HTR1F: variants seen among roughly 807,000 people sequenced by gnomAD.
HTR1F encodes 5-hydroxytryptamine receptor 1F, also known as 5-hydroxytryptamine (serotonin) receptor 1F, G protein-coupled.
A neutral mutation model predicts 24.0 loss-of-function variants in HTR1F; 17 were observed. The ratio of observed to expected loss-of-function variants is 0.71; its 90% CI spans 0.48 to 1.06. The LOEUF is 1.06. Among genes scored for constraint, HTR1F ranks in the 50% least tolerant of loss-of-function variants. The pLI is 0.00. For missense variants in HTR1F, 391 were observed against 427.8 expected, an observed-to-expected ratio of 0.91 and a Z score of 0.76; for synonymous variants, 186 against 156.8, an observed-to-expected ratio of 1.19 and a Z score of -1.39.
intron 2 of HTR1F, among the ~76,000 whole-genome samples, chr3:87,874,124 C>A (rs1705618050): frequency 6.6e-6 from 1 of 151,852 alleles, no homozygotes; most frequent in Non-Finnish European, 1.5e-5. Flanking sequence ...GAGTTCCTAG[C>A]CAGAGCAATT....
At chr3:87,919,389 A>G (rs1703963102) in intron 2 of HTR1F, among the ~76,000 whole-genome samples, 1 of 152,122 alleles carries the variant, frequency 6.6e-6, no homozygotes, top group African/African-American at 2.4e-5. Flanking sequence ...TAATTAAACT[A>G]AAGAGCTTTT....
intron 2 of HTR1F, among the ~76,000 whole-genome samples, chr3:87,928,830 T>C (rs867186495): frequency 1.3e-5 from 2 of 152,192 alleles, no homozygotes; most frequent in Admixed American, 6.6e-5. Flanking sequence ...AAAAGAAATA[T>C]ACATTTTGTG....
chr3:87,879,865 TA>T (rs141052951), intron 2 of HTR1F, among the ~76,000 whole-genome samples: 1,700 of 152,226 alleles, frequency 0.011, 27 homozygotes, highest in African/African-American at 0.038. Flanking sequence ...AATGATGGCA[TA>T]TTTTTTTCTG....
At chr3:87,888,613 C>T (rs1260713058) in intron 2 of HTR1F, among the ~76,000 whole-genome samples, 1 of 151,972 alleles carries the variant, frequency 6.6e-6, no homozygotes, top group Non-Finnish European at 1.5e-5. Context: ...ATTGGGAAAT[C>T]TGGTTATTGA....
chr3:87,847,333 A>G (rs1161599387), intron 2 of HTR1F, among the ~76,000 whole-genome samples: 1 of 151,818 alleles, frequency 6.6e-6, no homozygotes, highest in African/African-American at 2.4e-5. Flanking sequence ...TAAAAATTCT[A>G]CAGCTTGAAC....
intron 2 of HTR1F, among the ~76,000 whole-genome samples, chr3:87,980,048 C>A (rs1402777326): frequency 2.0e-5 from 3 of 152,212 alleles, no homozygotes; most frequent in Non-Finnish European, 4.4e-5. Flanking sequence ...ATTGCCCACA[C>A]TGTGGCAAGC....
At chr3:87,962,860 G>A (rs975305204) in intron 2 of HTR1F, among the ~76,000 whole-genome samples, 3 of 151,900 alleles carry the variant, frequency 2.0e-5, no homozygotes, top group Non-Finnish European at 1.5e-5. Context: ...AGCAAATGCA[G>A]ACAACCTTCC....
At chr3:87,928,584 C>A (rs764127849) in intron 2 of HTR1F, among the ~76,000 whole-genome samples, 4 of 152,150 alleles carry the variant, frequency 2.6e-5, no homozygotes, top group African/African-American at 4.8e-5. Context: ...CCAAGTCCTG[C>A]TATTTGCCAT....
chr3:87,811,113 C>T (rs1261460457), intron 1 of HTR1F, among the ~76,000 whole-genome samples: 1 of 152,080 alleles, frequency 6.6e-6, no homozygotes, highest in Non-Finnish European at 1.5e-5. Flanking sequence ...TTAATTCATA[C>T]TTCTTGAGTT....
At chr3:87,932,821 GA>G (rs1161458831) in intron 2 of HTR1F, among the ~76,000 whole-genome samples, 1 of 151,766 alleles carries the variant, frequency 6.6e-6, no homozygotes, top group Non-Finnish European at 1.5e-5. Context: ...CCAATCAATA[GA>G]AAAAGAGGGA....
Position 87,906,413 on chromosome 3 carries a change from A to T in HTR1F, c.-43+84289A>T, listed in dbSNP as rs1246024034. 3.3e-5 allele frequency among the ~76,000 whole-genome samples: 5 copies of T among 152,208 alleles called. No individual in the cohort carries two copies. The South Asian group carries it at 6.2e-4, about 19-fold the overall frequency. ...TCCTATAGAACAAAGAAAGAGAATA[A>T]TTTTTATAATGTTTTCTCACATTCA... On this transcript the variant is annotated intron_variant, in intron 2 of 2. Transcript: ENST00000319595.
At chr3:87,882,471 T>C (rs1382586118) in intron 2 of HTR1F, among the ~76,000 whole-genome samples, 1 of 151,964 alleles carries the variant, frequency 6.6e-6, no homozygotes, top group African/African-American at 2.4e-5. Flanking sequence ...TGTCCAACAA[T>C]GATAGACTGG....
intron 1 of HTR1F, among the ~76,000 whole-genome samples, chr3:87,817,164 A>G (rs1424757101): frequency 6.6e-6 from 1 of 152,116 alleles, no homozygotes; most frequent in East Asian, 1.9e-4. Context: ...TAATTCTTGT[A>G]TTTATCAATG....
intron 2 of HTR1F, among the ~76,000 whole-genome samples, chr3:87,929,006 G>T (rs1704194544): frequency 1.3e-5 from 2 of 152,166 alleles, no homozygotes; most frequent in African/African-American, 4.8e-5. Flanking sequence ...TTAGTTTGGA[G>T]AAATGAGACA....
rs1364180490 is a variant in HTR1F at position 87,993,308 on chromosome 3, G to A, written c.*1458G>A. The stretch of plus-strand genomic sequence containing the variant: ...GAGTTCCCATTTTATACAAGGCATT[G>A]AGACATATACTAGATAGAAGATATA... On this transcript the variant is annotated 3_prime_UTR_variant, in exon 3 of 3. Coordinates refer to ENST00000319595, the MANE Select transcript of HTR1F (RefSeq NM_001322209.2). 6.0e-6 allele frequency: 1 copy of A among 165,972 alleles called. No homozygotes were observed. Among genetic ancestry groups the A allele is most frequent in the African/African-American group, 2.4e-5 (1 of 41,122 alleles). 10.3% of individuals were successfully genotyped at this position (165,972 alleles called of 1,614,324 possible). A position where few individuals can be genotyped will look rare whatever the true frequency, so the allele number is the denominator to read the frequency against.
At position 87,946,012 on chromosome 3, in the gene HTR1F, G is replaced by A. The variant is rs1171582211; in HGVS notation, c.-42-44696G>A. Among the ~76,000 whole-genome samples, 2 of 152,214 alleles carry A rather than the reference G, an allele frequency of 1.3e-5. 1 individual carries two copies. The highest frequency in any genetic ancestry group is 2.9e-5 in the Non-Finnish European group (2 of 68,042). ...AAGGAATGGAACCTTGGGCCACGCAGTGAGTGTTATAGCTCTATTAGAAGC... is the reference window on the plus strand; with the variant it reads ...AAGGAATGGAACCTTGGGCCACGCAATGAGTGTTATAGCTCTATTAGAAGC... On this transcript the variant is annotated intron_variant, in intron 2 of 2. Coordinates refer to ENST00000319595, the MANE Select transcript of HTR1F (RefSeq NM_001322209.2).
chr3:87,869,390 C>CAGAT (rs4038035), intron 2 of HTR1F, among the ~76,000 whole-genome samples: 2,726 of 124,556 alleles, frequency 0.022, 50 homozygotes, highest in South Asian at 0.031. Flanking sequence ...GATAGACAAA[C>CAGAT]AGATAGATAG....
intron 2 of HTR1F, among the ~76,000 whole-genome samples, chr3:87,893,064 A>C (rs893848557): frequency 6.6e-6 from 1 of 152,228 alleles, no homozygotes; most frequent in East Asian, 1.9e-4. Flanking sequence ...ACAGTTGATA[A>C]ATTTTTTTAA....
intron 2 of HTR1F, among the ~76,000 whole-genome samples, chr3:87,882,814 C>T (rs894632045): frequency 2.0e-4 from 30 of 151,948 alleles, no homozygotes; most frequent in African/African-American, 7.0e-4. Context: ...ATGTAACTAA[C>T]CTGCACATTG....
Sources: allele counts gnomAD v4.1 joint callset (sites outside exome capture counted in the v4.1 genomes callset), GRCh38; gene constraint gnomAD v4.1.1; transcripts MANE v1.5; gene names NCBI Gene and HGNC (gene_info 2026-07-23, HGNC 2026-07-21).